The following EDIL3 variants were observed in gnomAD, a reference collection of about 807,000 sequenced individuals.
EDIL3 encodes the protein EGF like and discoidin domains 3, also known as EGF-like repeat and discoidin I-like domain-containing protein 3.
In EDIL3, 37 loss-of-function variants were observed where a neutral mutation model predicts 67.4. That is an observed-to-expected ratio of 0.55 (90% CI 0.42 to 0.72). EDIL3 has a LOEUF of 0.72. EDIL3 is among the 30% of genes least tolerant of loss of function. EDIL3 has a pLI of 0.00. For synonymous variants in EDIL3, 195 were observed against 196.3 expected, an observed-to-expected ratio of 0.99 and a Z score of 0.05; for missense variants, 527 against 586.3, an observed-to-expected ratio of 0.90 and a Z score of 1.04.
intron 4 of EDIL3, among the ~76,000 whole-genome samples, chr5:84,161,181 T>C (rs1236542154): frequency 6.6e-6 from 1 of 152,098 alleles, no homozygotes; most frequent in African/African-American, 2.4e-5. Context: ...TTGTTCCTTT[T>C]TTATGTCTGA....
chr5:84,294,219 T>TA (rs780799308), intron 1 of EDIL3, among the ~76,000 whole-genome samples: 14 of 151,306 alleles, frequency 9.3e-5, no homozygotes, highest in Non-Finnish European at 1.5e-4. Flanking sequence ...CCGTCTCTAC[T>TA]AAAAAAATAG....
chr5:84,122,239 G>C (rs1747789743), intron 5 of EDIL3, among the ~76,000 whole-genome samples: 1 of 151,910 alleles, frequency 6.6e-6, no homozygotes, highest in Admixed American at 6.6e-5. Flanking sequence ...CCTTCCAAAG[G>C]TATGGATTTA....
intron 4 of EDIL3, among the ~76,000 whole-genome samples, chr5:84,161,166 T>A (rs1159327458): frequency 1.3e-5 from 2 of 152,050 alleles, no homozygotes; most frequent in African/African-American, 2.4e-5. Context: ...GTGAATGCCA[T>A]GACTTTGTTC....
At chr5:84,056,362 C>G (rs557006698) in intron 9 of EDIL3, among the ~76,000 whole-genome samples, 3 of 151,912 alleles carry the variant, frequency 2.0e-5, no homozygotes, top group Non-Finnish European at 4.4e-5. Context: ...AGGAGACATA[C>G]CTAAGGTAAA....
chr5:83,946,275 C>T (rs1367186419), intron 10 of EDIL3, among the ~76,000 whole-genome samples: 1 of 151,850 alleles, frequency 6.6e-6, no homozygotes, highest in Non-Finnish European at 1.5e-5. Context: ...AAACTATGCA[C>T]AAGTTCCAGT....
At chr5:84,355,442 T>G (rs1184904936) in intron 1 of EDIL3, among the ~76,000 whole-genome samples, 3 of 152,042 alleles carry the variant, frequency 2.0e-5, no homozygotes, top group African/African-American at 4.8e-5. Flanking sequence ...CTCCTTTAGC[T>G]CAGAAGAGTT....
intron 1 of EDIL3, among the ~76,000 whole-genome samples, chr5:84,306,413 T>C (rs1746278584): frequency 6.6e-6 from 1 of 152,252 alleles, no homozygotes; most frequent in Non-Finnish European, 1.5e-5. Flanking sequence ...AATAATACCA[T>C]ACTGGTAAAT....
intron 3 of EDIL3, among the ~76,000 whole-genome samples, chr5:84,210,513 A>G (rs1200572202): frequency 6.6e-6 from 1 of 152,140 alleles, no homozygotes; most frequent in Non-Finnish European, 1.5e-5. Flanking sequence ...CTTTAAAATA[A>G]AAAGGAATGA....
chr5:84,075,483 C>CTTCTTCTTCTTCTTCTTATTA (rs751286945), intron 6 of EDIL3, among the ~76,000 whole-genome samples: 3 of 150,974 alleles, frequency 2.0e-5, no homozygotes, highest in African/African-American at 7.3e-5. Context: ...TCTTCTTCTT[C>CTTCTTCTTCTTCTTCTTATTA]TTATTATTTT....
At chr5:83,972,456 C>T (rs572970588) in intron 9 of EDIL3, among the ~76,000 whole-genome samples, 6 of 152,088 alleles carry the variant, frequency 3.9e-5, no homozygotes, top group Admixed American at 3.9e-4. Flanking sequence ...AATTTGTGCC[C>T]ATCATCAACA....
intron 10 of EDIL3, among the ~76,000 whole-genome samples, chr5:83,956,884 A>C (rs982561579): frequency 6.6e-6 from 1 of 151,768 alleles, no homozygotes; most frequent in Admixed American, 6.6e-5. Context: ...AAAATATGCA[A>C]ATTAAAATAA....
intron 1 of EDIL3, among the ~76,000 whole-genome samples, chr5:84,268,892 C>T (rs931112717): frequency 6.6e-6 from 1 of 152,018 alleles, no homozygotes; most frequent in Non-Finnish European, 1.5e-5. Context: ...ATCCCATATC[C>T]CATCACTAAT....
At chr5:84,382,361 G>A (rs112776701) in intron 1 of EDIL3, among the ~76,000 whole-genome samples, 1,743 of 152,258 alleles carry the variant, frequency 0.011, 22 homozygotes, top group Middle Eastern at 0.02. Flanking sequence ...TGGCTGCAGC[G>A]AGCCGGGACT....
intron 9 of EDIL3, among the ~76,000 whole-genome samples, chr5:84,011,819 G>C (rs1745521915): frequency 6.6e-6 from 1 of 152,112 alleles, no homozygotes; most frequent in South Asian, 2.1e-4. Flanking sequence ...AGTCTTTAGA[G>C]AGGTGGCCCC....
At position 84,136,027 on chromosome 5, in the gene EDIL3, C is replaced by T. The variant is rs149988152; in HGVS notation, c.469+1214G>A. Among the ~76,000 whole-genome samples, 648 of 152,052 alleles carry T rather than the reference C, an allele frequency of 4.3e-3. 3 individuals are homozygous for T. The highest frequency in any genetic ancestry group is 7.8e-3 in the Non-Finnish European group (529 of 67,992). On this transcript the variant is annotated intron_variant, in intron 5 of 10. Transcript: ENST00000296591. The stretch of plus-strand genomic sequence containing the variant: ...AGAAAGAAAAAGAAAATGAGAAATA[C>T]ATTTCTTACTATGGCTGAAGAGAAA...
At chr5:84,214,041 G>A (rs10078536) in intron 3 of EDIL3, among the ~76,000 whole-genome samples, 4,279 of 152,098 alleles carry the variant, frequency 0.028, 211 homozygotes, top group African/African-American at 0.098. Context: ...TAACCTCTCC[G>A]AGTCTTTTAC....
chr5:83,996,252 C>G (rs116604340), intron 9 of EDIL3, among the ~76,000 whole-genome samples: 1 of 152,056 alleles, frequency 6.6e-6, no homozygotes, highest in Non-Finnish European at 1.5e-5. Flanking sequence ...TTTCATGGTG[C>G]CTATATTTCT....
Position 84,214,864 on chromosome 5 carries a change from G to A in EDIL3, c.226+14991C>T, listed in dbSNP as rs374939955. The stretch of plus-strand genomic sequence containing the variant: ...CTCCCGAGTAGCTGGGACTACAGGC[G>A]CATGCTGCCACACCTGGCCAATTTT... On this transcript the variant is annotated intron_variant, in intron 3 of 10. Transcript: ENST00000296591. Among the ~76,000 whole-genome samples, 344 of 152,008 alleles carry A rather than the reference G, an allele frequency of 2.3e-3. 3 individuals are homozygous for A. Among genetic ancestry groups the A allele is most frequent in the South Asian group, 0.014 (68 of 4,804 alleles).
chr5:84,253,181 T>G (rs2112075097), intron 2 of EDIL3, among the ~76,000 whole-genome samples: 1 of 152,278 alleles, frequency 6.6e-6, no homozygotes, highest in East Asian at 1.9e-4. Flanking sequence ...TGGACGCTAT[T>G]ACTTTTCTTT....
Sources: allele counts gnomAD v4.1 joint callset (sites outside exome capture counted in the v4.1 genomes callset), GRCh38; gene constraint gnomAD v4.1.1; transcripts MANE v1.5; gene names NCBI Gene and HGNC (gene_info 2026-07-23, HGNC 2026-07-21).